The following DMBT1 variants were observed in gnomAD, a reference collection of about 807,000 sequenced individuals.
The protein encoded by DMBT1 is scavenger receptor cysteine-rich domain-containing protein DMBT1.
Under a neutral mutation model 252.9 loss-of-function variants are expected in DMBT1, and 198 were observed. The observed-to-expected ratio is 0.78, with a 90% CI of 0.70 to 0.88. The LOEUF is 0.88. DMBT1 is among the 40% of genes least tolerant of loss of function. The pLI is 0.00. For synonymous variants in DMBT1, 990 were observed against 942.7 expected (o/e 1.05, Z -0.92); for missense variants, 2,432 against 2,404.7 (o/e 1.01, Z -0.24).
In DMBT1 at chr10:122,592,291, C is replaced by G; in HGVS notation, c.2196C>G (p.Thr732=). The G allele has an allele frequency of 6.3e-7, 1 of 1,587,198 alleles. No homozygotes were observed. Among genetic ancestry groups the G allele is most frequent in the Non-Finnish European group, 8.6e-7 (1 of 1,165,578 alleles). Residue 732 remains threonine, a synonymous_variant, in exon 20 of 56, where the codon ACC becomes ACG. Coordinates refer to ENST00000338354, the MANE Select transcript of DMBT1 (RefSeq NM_001377530.1). ...PSTVGSESSL[T]LRLVNGSDRC... ...CTGTAGGATCTGAATCCAGTTTGAC[C>G]CTGAGGCTGGTGAATGGAAGTGACA...
intron 55 of DMBT1, 137 bp downstream of exon 55, chr10:122,640,586 C>A (rs182852721): frequency 4.3e-4 from 407 of 948,404 alleles, no homozygotes; most frequent in Non-Finnish European, 5.7e-4. Flanking sequence ...TCCCTTTCTA[C>A]ATGTAGTGAT....
chr10:122,565,776 C>T (rs182368234), intron 1 of DMBT1, among the ~76,000 whole-genome samples, 191 bp from the exon 2 acceptor site: 2 of 152,352 alleles, frequency 1.3e-5, no homozygotes, highest in African/African-American at 4.8e-5. Context: ...TTGAGCTCCT[C>T]ATATCCAATC....
In DMBT1 at chr10:122,629,800, A is replaced by G. The variant is rs370534207; in HGVS notation, c.5669-40A>G. The stretch of plus-strand genomic sequence containing the variant: ...TGATTCCTTGTCACAAAATACCTGA[A>G]GACCTGGTACAATGGAGATGTCCCC... On this transcript the variant is annotated intron_variant, in intron 46 of 55. Transcript: ENST00000338354. The G allele has an allele frequency of 5.0e-6, 8 of 1,598,088 alleles. No individual in the cohort carries two copies. The African/African-American group carries it at 9.4e-5, about 19-fold the overall frequency.
intron 9 of DMBT1, 29 bp downstream of exon 9, chr10:122,578,788 G>A (rs759428443): frequency 6.3e-7 from 1 of 1,588,228 alleles, no homozygotes; most frequent in Non-Finnish European, 8.6e-7. Flanking sequence ...ACTCCCTGGG[G>A]CTCACTTTCT....
chr10:122,638,685 T>C (rs1245351640), intron 54 of DMBT1, among the ~76,000 whole-genome samples: 1 of 152,220 alleles, frequency 6.6e-6, no homozygotes, highest in African/African-American at 2.4e-5. Context: ...GCTCAAGTGA[T>C]CCTCCTGCCT....
chr10:122,640,519 C>T, intron 55 of DMBT1, 70 bp downstream of exon 55: 1 of 1,480,338 alleles, frequency 6.8e-7, no homozygotes, highest in Non-Finnish European at 9.0e-7. Context: ...GCCCCAAAGG[C>T]TTGAAGAATG....
intron 4 of DMBT1, among the ~76,000 whole-genome samples, chr10:122,571,804 A>G (rs1049156622): frequency 6.6e-6 from 1 of 152,140 alleles, no homozygotes; most frequent in African/African-American, 2.4e-5. Flanking sequence ...TTGATAACCC[A>G]ATCACCAAGT....
rs759571886 is a variant in DMBT1, at chr10:122,576,694, T to C, written c.579T>C (p.His193=). ...HNGWLSHNCG[H]GEDAGVICSA... ...GCTGGCTCTCCCATAACTGTGGCCA[T>C]GGTGAAGATGCTGGTGTTATCTGCT... Residue 193 remains histidine, a synonymous_variant, in exon 7 of 56, where the codon CAT becomes CAC. Transcript: ENST00000338354. 5 of 1,613,724 alleles carry C rather than the reference T, an allele frequency of 3.1e-6. No homozygotes were observed. Among genetic ancestry groups the C allele is most frequent in the Non-Finnish European group, 4.2e-6 (5 of 1,179,712 alleles).
In DMBT1 at chr10:122,618,051, T is replaced by C. The variant is rs762901314; in HGVS notation, c.4926T>C (p.Asn1642=). 27 of 1,613,308 alleles carry C rather than the reference T, an allele frequency of 1.7e-5. No individual in the cohort carries two copies. The highest frequency in any genetic ancestry group is 2.2e-5 in the Non-Finnish European group (26 of 1,179,786). The change falls in exon 41 of 56, where the codon AAT becomes AAC. Residue 1642 remains asparagine, a synonymous_variant. Transcript: ENST00000338354. ...CCACTTTGGCCCTGAGACTGGTGAA[T>C]GGAGGTGACAGGTGTCGAGGCCGAG... ...SESTLALRLV[N]GGDRCRGRVE...
intron 27 of DMBT1, 102 bp downstream of exon 27, chr10:122,600,195 G>A (rs2097932483): frequency 9.6e-6 from 14 of 1,463,392 alleles, no homozygotes; most frequent in Non-Finnish European, 1.3e-5. Context: ...TGGATACTGT[G>A]GGGCATATTA....
intron 1 of DMBT1, among the ~76,000 whole-genome samples, chr10:122,565,743 A>G (rs1189391612): frequency 6.6e-6 from 1 of 152,204 alleles, no homozygotes. Context: ...AAAGAGACAT[A>G]TGCTTCATTA....
intron 46 of DMBT1, among the ~76,000 whole-genome samples, chr10:122,628,600 C>A (rs2098135318): frequency 6.6e-6 from 1 of 152,148 alleles, no homozygotes; most frequent in South Asian, 2.1e-4. Context: ...CGTGCCACTG[C>A]ACTCCAGCCT....
chr10:122,597,134 G>A lies in DMBT1; in HGVS notation c.2917+80G>A, dbSNP rs1217720016. On this transcript the variant is annotated intron_variant, in intron 24 of 55. Coordinates refer to ENST00000338354, the MANE Select transcript of DMBT1 (RefSeq NM_001377530.1). ...CCTTTCTGCACTCCACAGAGCCCTC[G>A]TTCTTCTCTGAGTGAATACTACATG... 3.8e-5 allele frequency: 10 copies of A among 264,624 alleles called. No individual in the cohort carries two copies. In the East Asian group the frequency reaches 5.0e-4, roughly 13 times the overall value. 16.4% of individuals were successfully genotyped at this position (264,624 alleles called of 1,614,324 possible). A position where few individuals can be genotyped will look rare whatever the true frequency, so the allele number is the denominator to read the frequency against.
In DMBT1 at chr10:122,598,705, T is replaced by A. The variant is rs949799273; in HGVS notation, c.2957-69T>A. ...TTTAGCCATTAGGACATGCCTTGAG[T>A]GTGGAACATTCCTTAGATTCCTGAC... On this transcript the variant is annotated intron_variant, in intron 25 of 55. Coordinates refer to ENST00000338354, the MANE Select transcript of DMBT1 (RefSeq NM_001377530.1). 2.5e-6 allele frequency: 4 copies of A among 1,609,604 alleles called. No homozygotes were observed. The African/African-American group carries it at 5.3e-5, about 22-fold the overall frequency.
intron 50 of DMBT1, among the ~76,000 whole-genome samples, chr10:122,632,267 C>A (rs541004048): frequency 8.2e-4 from 124 of 152,080 alleles, no homozygotes; most frequent in African/African-American, 2.9e-3. Flanking sequence ...CCCACTGCCC[C>A]GCCCCCTGCT....
intron 5 of DMBT1, 113 bp from the exon 6 acceptor site, chr10:122,573,602 G>C (rs2097685614): frequency 2.3e-6 from 3 of 1,320,044 alleles, no homozygotes; most frequent in Non-Finnish European, 3.3e-6. Flanking sequence ...GCAATGGATG[G>C]TGCCCTTAGG....
At position 122,617,348 on chromosome 10, in the gene DMBT1, C is replaced by T. The variant is rs1282363082; in HGVS notation, c.4891+88C>T. 7.4e-6 allele frequency: 11 copies of T among 1,482,372 alleles called. No individual in the cohort carries two copies. The Admixed American group carries it at 1.4e-4, about 18-fold the overall frequency. 91.8% of individuals were successfully genotyped at this position (1,482,372 alleles called of 1,614,324 possible). A position where few individuals can be genotyped will look rare whatever the true frequency, so the allele number is the denominator to read the frequency against. On this transcript the variant is annotated intron_variant, in intron 40 of 55. Coordinates refer to ENST00000338354, the MANE Select transcript of DMBT1 (RefSeq NM_001377530.1). ...CTGATAGGATGAGGCTCAAGGTGGG[C>T]CCCTCTCTTTTCATGTCCCTGTGGG...
At chr10:122,566,865 C>G (rs1389743727) in intron 2 of DMBT1, among the ~76,000 whole-genome samples, 1 of 152,122 alleles carries the variant, frequency 6.6e-6, no homozygotes, top group Non-Finnish European at 1.5e-5. Flanking sequence ...ATGGGAAAAC[C>G]AGGGCACAGT....
intron 2 of DMBT1, among the ~76,000 whole-genome samples, chr10:122,569,826 GGT>G (rs1178728126): frequency 2.0e-5 from 3 of 152,176 alleles, no homozygotes; most frequent in Non-Finnish European, 4.4e-5. Flanking sequence ...GTCATTTGAG[GGT>G]GTGTTTTAGC....
Sources: allele counts gnomAD v4.1 joint callset (sites outside exome capture counted in the v4.1 genomes callset), GRCh38; gene constraint gnomAD v4.1.1; transcripts MANE v1.5; gene names NCBI Gene and HGNC (gene_info 2026-07-23, HGNC 2026-07-21).